Variants in ITPKA observed in about 807,000 individuals in gnomAD.
ITPKA encodes the protein IP3 3-kinase A.
In ITPKA, 16 loss-of-function variants were observed where a neutral mutation model predicts 40.7. The observed-to-expected ratio is 0.39, with a 90% CI of 0.27 to 0.60. ITPKA has a LOEUF of 0.60. Among genes scored for constraint, ITPKA ranks in the 20% least tolerant of loss-of-function variants. The pLI is 0.50. For missense variants in ITPKA, 540 were observed against 649.3 expected (o/e 0.83, Z 1.83); for synonymous variants, 313 against 289.9 (o/e 1.08, Z -0.81).
At position 41,501,978 on chromosome 15, in the gene ITPKA, G is replaced by A. The variant is rs72739669; in HGVS notation, c.804-19G>A. On this transcript the variant is annotated intron_variant, in intron 3 of 6. Coordinates refer to ENST00000260386, the MANE Select transcript of ITPKA (RefSeq NM_002220.3). The stretch of plus-strand genomic sequence containing the variant: ...GTGTGCGCCCCCTCATGCCCTGGCC[G>A]CTGCCTGCGCCCCCACAGGACTTAC... 0.045 allele frequency: 71,587 copies of A among 1,608,220 alleles called. 1,885 individuals carry two copies. Among genetic ancestry groups the A allele is most frequent in the Non-Finnish European group, 0.052 (61,765 of 1,176,794 alleles).
At position 41,494,793 on chromosome 15, in the gene ITPKA, G is replaced by A. The variant is rs1411579605; in HGVS notation, c.489+377G>A. On this transcript the variant is annotated intron_variant, in intron 1 of 6. Coordinates refer to ENST00000260386, the MANE Select transcript of ITPKA (RefSeq NM_002220.3). This position sits in a 1 kb window ranked among gnomAD's most constrained non-coding sequence, Gnocchi z 7.8. Reference sequence around the variant, plus strand: ...CTCGGAAGGAGAGAGGCGAAGGAGAGTTTCCCTTACCCCCCGCCCCCTCTC... The same window carrying A: ...CTCGGAAGGAGAGAGGCGAAGGAGAATTTCCCTTACCCCCCGCCCCCTCTC... 6.6e-6 allele frequency among the ~76,000 whole-genome samples: 1 copy of A among 152,196 alleles called. No homozygotes were observed. The highest frequency in any genetic ancestry group is 2.4e-5 in the African/African-American group (1 of 41,452).
chr15:41,501,504 G>A lies in ITPKA; in HGVS notation c.531G>A (p.Pro177=), dbSNP rs773249121. ...AGATCCGGACCATGGTCAATCTGCC[G>A]GTCATAAGCCCTTTCAAGAAGCGCT... ...WQKIRTMVNL[P]VISPFKKRYA... is the part of the protein sequence containing the mutation. Residue 177 remains proline (P), a synonymous_variant, in exon 2 of 7, where the codon CCG becomes CCA. Transcript: ENST00000260386. 12 of 1,600,750 alleles carry A rather than the reference G, an allele frequency of 7.5e-6. No individual in the cohort carries two copies. The highest frequency in any genetic ancestry group is 1.7e-5 in the Admixed American group (1 of 59,194).
intron 5 of ITPKA, 104 bp from the exon 6 acceptor site, chr15:41,502,684 G>C (rs1432684080): frequency 1.7e-6 from 2 of 1,161,838 alleles, no homozygotes; most frequent in African/African-American, 3.1e-5. Context: ...CCTCCTCCTG[G>C]CGGCATTTGC....
At chr15:41,501,161 C>A in intron 1 of ITPKA, 1 of 189,706 alleles carries the variant, frequency 5.3e-6, no homozygotes, top group Non-Finnish European at 9.8e-6. Flanking sequence ...AGAGCATTTT[C>A]GTAACCTGCC....
At position 41,502,950 on chromosome 15, in the gene ITPKA, G is replaced by C. The variant is rs769226516; in HGVS notation, c.1183-13G>C. ...CTGGGCAGGGCCGCGGCCTGACGGT[G>C]CGGGGCTCGCAGGTGATCGGCAGCT... On this transcript the variant is annotated splice_polypyrimidine_tract_variant and intron_variant, in intron 6 of 6. Transcript: ENST00000260386. 6.3e-7 allele frequency: 1 copy of C among 1,596,808 alleles called. No individual in the cohort carries two copies. The highest frequency in any genetic ancestry group is 1.7e-5 in the Admixed American group (1 of 58,144).
chr15:41,502,263 CCCCGCTCCCGCCCCGCCTGCCCCTCCG>C, intron 4 of ITPKA, 62 bp downstream of exon 4: 1 of 1,493,226 alleles, frequency 6.7e-7, no homozygotes, highest in African/African-American at 1.4e-5. Flanking sequence ...TTTCCCGATC[CCCCGCTCCCGCCCCGCCTGCCCCTCCG>C]CCCTCTCCCA....
At chr15:41,495,842 G>A (rs2051067114) in intron 1 of ITPKA, among the ~76,000 whole-genome samples, 3 of 152,260 alleles carry the variant, frequency 2.0e-5, no homozygotes, top group Admixed American at 6.5e-5. Context: ...GGCGCGTCCC[G>A]CTTCCCTCTT....
At chr15:41,502,642 C>G in intron 5 of ITPKA, 139 bp downstream of exon 5, 1 of 959,456 alleles carries the variant, frequency 1.0e-6, no homozygotes, top group Non-Finnish European at 1.6e-6. Flanking sequence ...ACGCTCCTTC[C>G]CTTCTGGGCC....
In ITPKA at chr15:41,503,495, G is replaced by A. The variant is rs911973084; in HGVS notation, c.*329G>A. 14 of 613,640 alleles carry A rather than the reference G, an allele frequency of 2.3e-5. No homozygotes were observed. The highest frequency in any genetic ancestry group is 1.8e-5 in the African/African-American group (1 of 55,550). The allele number at this position is 613,640 out of a possible 1,614,324, so 38.0% of individuals were successfully genotyped here. On this transcript the variant is annotated 3_prime_UTR_variant, in exon 7 of 7. Coordinates refer to ENST00000260386, the MANE Select transcript of ITPKA (RefSeq NM_002220.3). Reference sequence around the variant, plus strand: ...TTTATTTAGCAAGCCCAGACCTTCCGGTCTAACGTCTCACACCACGACGGA... The same window carrying A: ...TTTATTTAGCAAGCCCAGACCTTCCAGTCTAACGTCTCACACCACGACGGA...
At position 41,498,610 on chromosome 15, in the gene ITPKA, A is replaced by G. The variant is rs890818829; in HGVS notation, c.490-2853A>G. Reference sequence around the variant, plus strand: ...ACCCAAGGCAAGTTTCCTCTTCACTAAGTCCATTCTGGTCCCACTATCCCC... The same window carrying G: ...ACCCAAGGCAAGTTTCCTCTTCACTGAGTCCATTCTGGTCCCACTATCCCC... On this transcript the variant is annotated intron_variant, in intron 1 of 6. Transcript: ENST00000260386. Among the ~76,000 whole-genome samples, 3 of 152,148 alleles carry G rather than the reference A, an allele frequency of 2.0e-5. No individual in the cohort carries two copies. In the East Asian group the frequency reaches 5.8e-4, roughly 29 times the overall value.
intron 1 of ITPKA, among the ~76,000 whole-genome samples, chr15:41,501,008 GAAAAAAAAAAAA>G (rs11366854): frequency 6.9e-5 from 4 of 58,180 alleles, no homozygotes; most frequent in African/African-American, 2.1e-4. Context: ...GACTCCATCT[GAAAAAAAAAAAA>G]AAAAAAAAAA....
intron 1 of ITPKA, among the ~76,000 whole-genome samples, chr15:41,495,294 C>CT (rs1279346040): frequency 3.3e-5 from 5 of 152,232 alleles, no homozygotes; most frequent in Admixed American, 3.3e-4. Flanking sequence ...GCGCGAAGGA[C>CT]TTTCTTTAGA....
In ITPKA at chr15:41,501,451, T is replaced by G; in HGVS notation, c.490-12T>G. 6.2e-7 allele frequency: 1 copy of G among 1,603,108 alleles called. No individual in the cohort carries two copies. The highest frequency in any genetic ancestry group is 8.5e-7 in the Non-Finnish European group (1 of 1,174,820). On this transcript the variant is annotated splice_polypyrimidine_tract_variant and intron_variant, in intron 1 of 6. Transcript: ENST00000260386. The stretch of plus-strand genomic sequence containing the variant: ...GACGCCGATTATCAGACCTTGACCC[T>G]GTCGCTTTCAGAAAAACCACTGGCA...
intron 1 of ITPKA, among the ~76,000 whole-genome samples, chr15:41,499,092 T>A (rs1214505193): frequency 6.6e-6 from 1 of 152,240 alleles, no homozygotes; most frequent in East Asian, 1.9e-4. Flanking sequence ...CTGCTGAATA[T>A]ACATGGCACA....
At chr15:41,502,360 C>A (rs1296685072) in intron 4 of ITPKA, 42 bp from the exon 5 acceptor site, 2 of 1,462,432 alleles carry the variant, frequency 1.4e-6, no homozygotes, top group East Asian at 2.3e-5. Flanking sequence ...CTCTTCCCCA[C>A]TGGCGGGCCC....
intron 1 of ITPKA, among the ~76,000 whole-genome samples, chr15:41,495,498 C>T (rs972038516): frequency 6.6e-6 from 1 of 152,170 alleles, no homozygotes. Flanking sequence ...TTCACAAGCC[C>T]GGAGGCCGAT....
At chr15:41,498,634 C>G (rs2051089950) in intron 1 of ITPKA, among the ~76,000 whole-genome samples, 1 of 152,200 alleles carries the variant, frequency 6.6e-6, no homozygotes, top group Non-Finnish European at 1.5e-5. Context: ...CCCACTATCC[C>G]CTAAATTCTT....
chr15:41,501,709 C>G lies in ITPKA; in HGVS notation c.661C>G (p.Arg221Gly), dbSNP rs1354233027. 1.7e-5 allele frequency: 27 copies of G among 1,610,946 alleles called. No individual in the cohort carries two copies. The highest frequency in any genetic ancestry group is 2.3e-5 in the Non-Finnish European group (27 of 1,179,142). The change falls in exon 3 of 7, where the codon CGG becomes GGG. Residue 221 changes from arginine (R) to glycine (G), a missense_variant. Physicochemically the swap from Arg to Gly is moderately radical, Grantham distance 125. Coordinates refer to ENST00000260386, the MANE Select transcript of ITPKA (RefSeq NM_002220.3). ...CSEPERYCLARLMADALRGCV... is the reference protein window; with the variant it reads ...CSEPERYCLAGLMADALRGCV... ...GGAGCCGGAGCGCTACTGCCTGGCG[C>G]GGCTGATGGCTGACGCGCTGCGCGG...
chr15:41,502,336 T>A, intron 4 of ITPKA, 66 bp from the exon 5 acceptor site: 2 of 1,388,544 alleles, frequency 1.4e-6, no homozygotes, highest in South Asian at 1.2e-5. Flanking sequence ...GAGGTACCGC[T>A]GCTCTACGCT....
Sources: allele counts gnomAD v4.1 joint callset (sites outside exome capture counted in the v4.1 genomes callset), GRCh38; gene constraint gnomAD v4.1.1; non-coding constraint Gnocchi (gnomAD v3.1); transcripts MANE v1.5; gene names NCBI Gene and HGNC (gene_info 2026-07-23, HGNC 2026-07-21).